The following MAML2 variants were observed in gnomAD, a reference collection of about 807,000 sequenced individuals.
The protein encoded by MAML2 is mastermind like transcriptional coactivator 2, also known as mastermind-like protein 2.
A neutral mutation model predicts 96.1 loss-of-function variants in MAML2; 22 were observed. The ratio of observed to expected loss-of-function variants is 0.23; its 90% CI spans 0.16 to 0.33. MAML2 has a LOEUF of 0.33. Ranked by LOEUF, MAML2 falls within the 10% of genes least tolerant of loss-of-function variation. MAML2 has a pLI of 1.00. For missense variants in MAML2, 1,367 were observed against 1,392.4 expected (o/e 0.98, Z 0.29); for synonymous variants, 561 against 521.3 (o/e 1.08, Z -1.04).
At chr11:96,027,446 C>T (rs1050899669) in intron 2 of MAML2, among the ~76,000 whole-genome samples, 2 of 152,168 alleles carry the variant, frequency 1.3e-5, no homozygotes, top group African/African-American at 2.4e-5. Context: ...AAACCTCCCT[C>T]GTATTCTCTC....
rs561199421 is a variant in MAML2 at position 96,200,482 on chromosome 11, T to C, written c.514-106965A>G. On this transcript the variant is annotated intron_variant, in intron 1 of 4. Coordinates refer to ENST00000524717, the MANE Select transcript of MAML2 (RefSeq NM_032427.4). ...TGAATGGAATCTCTCCTGGGACCTA[T>C]CCTGTGCCTAAGAGCAAAACAAGCA... 4.6e-5 allele frequency among the ~76,000 whole-genome samples: 7 copies of C among 152,340 alleles called. No homozygotes were observed. The East Asian group carries it at 1.2e-3, about 25-fold the overall frequency.
chr11:96,133,910 C>T (rs1464195896), intron 1 of MAML2, among the ~76,000 whole-genome samples: 2 of 152,130 alleles, frequency 1.3e-5, no homozygotes, highest in Non-Finnish European at 2.9e-5. Flanking sequence ...GGGAGTATCA[C>T]TTGAGCCCAG....
chr11:96,333,350 A>G (rs1863877473), intron 1 of MAML2, among the ~76,000 whole-genome samples: 1 of 152,004 alleles, frequency 6.6e-6, no homozygotes, highest in African/African-American at 2.4e-5. Context: ...ATGGGGAGTA[A>G]GCGAAAAAAA....
intron 1 of MAML2, among the ~76,000 whole-genome samples, chr11:96,098,300 C>T (rs749327783): frequency 1.3e-5 from 2 of 152,176 alleles, no homozygotes; most frequent in South Asian, 2.1e-4. Context: ...GAACCATATC[C>T]TATCAAATCA....
intron 1 of MAML2, among the ~76,000 whole-genome samples, chr11:96,298,689 A>G (rs923157826): frequency 1.3e-5 from 2 of 149,550 alleles, no homozygotes; most frequent in African/African-American, 2.4e-5. Context: ...TTTTCTATGT[A>G]TATGTGTGTA....
At chr11:96,223,646 T>C (rs1007529864) in intron 1 of MAML2, among the ~76,000 whole-genome samples, 2 of 152,182 alleles carry the variant, frequency 1.3e-5, no homozygotes, top group Admixed American at 1.3e-4. Context: ...AGAGATTTGT[T>C]GTACAGATAA....
intron 2 of MAML2, among the ~76,000 whole-genome samples, chr11:96,049,660 T>C (rs1287815096): frequency 6.6e-6 from 1 of 152,192 alleles, no homozygotes; most frequent in Non-Finnish European, 1.5e-5. Flanking sequence ...CCAATAATAC[T>C]TGGTGACTAA....
intron 2 of MAML2, among the ~76,000 whole-genome samples, chr11:96,047,910 CAAAAAA>C (rs71459784): frequency 1.2e-5 from 1 of 82,462 alleles, no homozygotes. Flanking sequence ...GACTCTGCCT[CAAAAAA>C]AAAAAAAAAA....
At chr11:96,189,378 T>A (rs1861621055) in intron 1 of MAML2, among the ~76,000 whole-genome samples, 1 of 152,254 alleles carries the variant, frequency 6.6e-6, no homozygotes, top group South Asian at 2.1e-4. Context: ...ATACCAATAG[T>A]TACTCCTAGA....
At chr11:96,115,455 C>T (rs1160729398) in intron 1 of MAML2, among the ~76,000 whole-genome samples, 6 of 147,228 alleles carry the variant, frequency 4.1e-5, no homozygotes, top group Admixed American at 4.1e-4. Context: ...ACATGTAATC[C>T]ACCACCACAC....
At chr11:96,083,899 C>A (rs1859566897) in intron 2 of MAML2, among the ~76,000 whole-genome samples, 1 of 152,084 alleles carries the variant, frequency 6.6e-6, no homozygotes, top group South Asian at 2.1e-4. Flanking sequence ...GCTACCAGAC[C>A]ATATAGGATG....
At chr11:96,266,650 G>C (rs887752794) in intron 1 of MAML2, among the ~76,000 whole-genome samples, 3 of 151,998 alleles carry the variant, frequency 2.0e-5, no homozygotes, top group Admixed American at 6.6e-5. Flanking sequence ...CTCTCTAACT[G>C]ATTAACTATA....
chr11:96,164,026 A>AT (rs1194156326), intron 1 of MAML2, among the ~76,000 whole-genome samples: 89 of 148,422 alleles, frequency 6.0e-4, no homozygotes, highest in African/African-American at 1.7e-3. Context: ...ACGCCTGGCT[A>AT]TTTTTTTTTG....
At chr11:96,177,571 A>G (rs1423118693) in intron 1 of MAML2, among the ~76,000 whole-genome samples, 1 of 152,176 alleles carries the variant, frequency 6.6e-6, no homozygotes, top group Non-Finnish European at 1.5e-5. Flanking sequence ...ATGGGTTTTT[A>G]TTTGGGGCTG....
chr11:96,009,812 G>A (rs1338320550), intron 2 of MAML2, among the ~76,000 whole-genome samples: 2 of 152,108 alleles, frequency 1.3e-5, no homozygotes, highest in Non-Finnish European at 2.9e-5. Flanking sequence ...TTTCCCCCTA[G>A]CCCTAGGATT....
At chr11:96,067,753 G>A (rs191924728) in intron 2 of MAML2, among the ~76,000 whole-genome samples, 14 of 152,212 alleles carry the variant, frequency 9.2e-5, no homozygotes, top group African/African-American at 2.2e-4. Flanking sequence ...ACATGACAAC[G>A]CATATCCGTG....
intron 2 of MAML2, among the ~76,000 whole-genome samples, chr11:96,019,548 A>G (rs1858403926): frequency 6.6e-6 from 1 of 151,984 alleles, no homozygotes; most frequent in South Asian, 2.1e-4. Context: ...AAAATTAGTC[A>G]CTCACTCACT....
chr11:96,144,600 T>G (rs976010293), intron 1 of MAML2, among the ~76,000 whole-genome samples: 5 of 152,204 alleles, frequency 3.3e-5, no homozygotes, highest in Admixed American at 3.3e-4. Flanking sequence ...GAGAGACCAC[T>G]GGGCTTATTA....
At chr11:96,149,566 T>C (rs1860886199) in intron 1 of MAML2, among the ~76,000 whole-genome samples, 1 of 151,924 alleles carries the variant, frequency 6.6e-6, no homozygotes, top group African/African-American at 2.4e-5. Flanking sequence ...TCCCCATCTC[T>C]ACTAAAAATA....
Sources: gnomAD v4.1 joint callset for allele counts (sites outside exome capture counted in the v4.1 genomes callset) on GRCh38, gnomAD v4.1.1 for gene constraint, MANE v1.5 for transcripts, NCBI Gene and HGNC (gene_info 2026-07-23, HGNC 2026-07-21) for gene names.